The following ZC3H11A variants were observed in gnomAD, a reference collection of about 807,000 sequenced individuals.
ZC3H11A encodes the protein zinc finger CCCH domain-containing protein 11A.
A neutral mutation model predicts 90.8 loss-of-function variants in ZC3H11A; 22 were observed. That is an observed-to-expected ratio of 0.24 (90% CI 0.17 to 0.35). ZC3H11A has a LOEUF of 0.35. Ranked by LOEUF, ZC3H11A falls within the 10% of genes least tolerant of loss-of-function variation. ZC3H11A has a pLI of 1.00. For missense variants in ZC3H11A, 701 were observed against 964.9 expected (o/e 0.73, Z 3.62); for synonymous variants, 294 against 339.8 (o/e 0.87, Z 1.48).
intron 2 of ZC3H11A, among the ~76,000 whole-genome samples, chr1:203,813,404 A>C (rs1675189824): frequency 6.6e-6 from 1 of 151,996 alleles, no homozygotes; most frequent in African/African-American, 2.4e-5. Context: ...AAACCAATTT[A>C]TTGGTTTTCT....
intron 12 of ZC3H11A, among the ~76,000 whole-genome samples, chr1:203,844,538 A>T (rs1687356054): frequency 6.6e-6 from 1 of 152,158 alleles, no homozygotes; most frequent in African/African-American, 2.4e-5. Flanking sequence ...TGGCTTCTTA[A>T]CCACTTCTTT....
intron 2 of ZC3H11A, among the ~76,000 whole-genome samples, chr1:203,807,532 T>C (rs1028882598): frequency 1.3e-4 from 19 of 151,812 alleles, no homozygotes; most frequent in Admixed American, 4.6e-4. Flanking sequence ...GTTTTTTTTT[T>C]GTTGGTTTTT....
intron 10 of ZC3H11A, among the ~76,000 whole-genome samples, chr1:203,837,392 G>T (rs1189237671): frequency 2.7e-5 from 4 of 149,980 alleles, no homozygotes; most frequent in Non-Finnish European, 5.9e-5. Flanking sequence ...TTGTAGGTTT[G>T]TCAGTTAATT....
In ZC3H11A at chr1:203,829,869, C is replaced by T. The variant is rs146010254; in HGVS notation, c.592C>T (p.Arg198Trp). The T allele has an allele frequency of 3.7e-5, 60 of 1,613,898 alleles. No individual in the cohort carries two copies. The East Asian group carries it at 9.1e-4, about 25-fold the overall frequency. The change falls in exon 7 of 18, where the codon CGG (arginine) becomes TGG (tryptophan). Residue 198 changes from arginine to tryptophan, a missense_variant. Physicochemically the swap from Arg to Trp is moderately radical, Grantham distance 101 (BLOSUM62 -3). This residue lies in a region of ZC3H11A where 530 missense variants were observed against 696.2 expected (regional missense o/e 0.76). Transcript: ENST00000367210. The stretch of plus-strand genomic sequence containing the variant: ...CAATGGATTACGAGTGACTTCTGTC[C>T]GGAAACCTGCAGTCAATATAAAGCA... ...VHNGLRVTSVRKPAVNIKQGE... is the reference protein window; with the variant it reads ...VHNGLRVTSVWKPAVNIKQGE...
At chr1:203,824,920 C>CA (rs1342233845) in intron 4 of ZC3H11A, among the ~76,000 whole-genome samples, 3 of 151,258 alleles carry the variant, frequency 2.0e-5, no homozygotes, top group Admixed American at 1.3e-4. Flanking sequence ...ACTAAAAATA[C>CA]AAAAAAATTA....
intron 10 of ZC3H11A, among the ~76,000 whole-genome samples, chr1:203,835,044 T>C (rs1158944256): frequency 3.9e-5 from 6 of 152,248 alleles, no homozygotes; most frequent in Non-Finnish European, 7.3e-5. Context: ...TTTTGTGTTG[T>C]CTTTGATGCA....
At chr1:203,834,440 T>A (rs930133787) in intron 10 of ZC3H11A, among the ~76,000 whole-genome samples, 1 of 151,532 alleles carries the variant, frequency 6.6e-6, no homozygotes, top group Non-Finnish European at 1.5e-5. Flanking sequence ...CCTGGCTAAT[T>A]TTTGTATTTT....
chr1:203,825,180 T>TAA (rs957597711), intron 4 of ZC3H11A, among the ~76,000 whole-genome samples: 1 of 152,122 alleles, frequency 6.6e-6, no homozygotes, highest in Non-Finnish European at 1.5e-5. Flanking sequence ...TGAACAATAT[T>TAA]AAATGCACCC....
intron 1 of ZC3H11A, chr1:203,798,602 TGAG>T (rs1404944731): frequency 6.5e-7 from 1 of 1,536,138 alleles, no homozygotes; most frequent in Non-Finnish European, 8.7e-7. Flanking sequence ...ATTTAACAGC[TGAG>T]GACCTTAGTG....
At chr1:203,818,309 T>C (rs1274549772) in intron 3 of ZC3H11A, among the ~76,000 whole-genome samples, 5 of 152,176 alleles carry the variant, frequency 3.3e-5, no homozygotes, top group African/African-American at 1.2e-4. Context: ...GACCTAACAC[T>C]CCTACTTGTC....
chr1:203,829,999 G>T, intron 7 of ZC3H11A, 103 bp downstream of exon 7: 3 of 1,314,190 alleles, frequency 2.3e-6, no homozygotes, highest in Non-Finnish European at 3.3e-6. Flanking sequence ...CATGCTACAC[G>T]CATACTTACC....
At position 203,853,769 on chromosome 1, in the gene ZC3H11A, A is replaced by G. The variant is rs977728260; in HGVS notation, c.*1370A>G. 7 of 152,658 alleles carry G rather than the reference A, an allele frequency of 4.6e-5. No individual in the cohort carries two copies. The highest frequency in any genetic ancestry group is 1.0e-4 in the Non-Finnish European group (7 of 68,058). 9.5% of individuals were successfully genotyped at this position (152,658 alleles called of 1,614,324 possible). ...CAGGACTGCCCATTCAGTCTTGGGA[A>G]GATTGGGATGATTCTGCACAAGCAA... On this transcript the variant is annotated 3_prime_UTR_variant, in exon 18 of 18. Coordinates refer to ENST00000367210, the MANE Select transcript of ZC3H11A (RefSeq NM_001376342.1).
In ZC3H11A at chr1:203,805,799, C is replaced by T. The variant is rs1018873501; in HGVS notation, c.-146+2783C>T. On this transcript the variant is annotated intron_variant, in intron 2 of 17. Transcript: ENST00000367210. Reference sequence around the variant, plus strand: ...AACTCTGCTTCTAGGTTGTCTTCATCTAATTCTGGGCCGCCATAACTGCGA... The same window carrying T: ...AACTCTGCTTCTAGGTTGTCTTCATTTAATTCTGGGCCGCCATAACTGCGA... 3.9e-6 allele frequency: 3 copies of T among 766,290 alleles called. No individual in the cohort carries two copies. In the African/African-American group the frequency reaches 5.2e-5, roughly 13 times the overall value. 47.5% of individuals were successfully genotyped at this position (766,290 alleles called of 1,614,324 possible). A position where few individuals can be genotyped will look rare whatever the true frequency, so the allele number is the denominator to read the frequency against.
intron 1 of ZC3H11A, chr1:203,797,171 CTG>C (rs1469998963): frequency 1.2e-5 from 2 of 167,466 alleles, no homozygotes; most frequent in Non-Finnish European, 1.3e-5. Context: ...GAACATGGAT[CTG>C]GGATTTGGAA....
intron 1 of ZC3H11A, chr1:203,798,473 T>C (rs545060878): frequency 8.5e-5 from 130 of 1,536,138 alleles, no homozygotes; most frequent in Non-Finnish European, 1.1e-4. Flanking sequence ...ATCCTATCCA[T>C]TGGGCTGTTG....
At chr1:203,799,835 T>C (rs1669975408) in intron 1 of ZC3H11A, 1 of 1,508,048 alleles carries the variant, frequency 6.6e-7, no homozygotes, top group Admixed American at 2.0e-5. Context: ...CTTTGTTAGA[T>C]CCTTGCTTTA....
intron 4 of ZC3H11A, among the ~76,000 whole-genome samples, chr1:203,819,512 G>C (rs1448309145): frequency 6.9e-6 from 1 of 144,848 alleles, no homozygotes; most frequent in Non-Finnish European, 1.5e-5. Context: ...GTGAGCCACC[G>C]TGCCCAGCTG....
intron 9 of ZC3H11A, among the ~76,000 whole-genome samples, chr1:203,832,307 C>T (rs574732518): frequency 7.9e-5 from 12 of 151,722 alleles, no homozygotes; most frequent in Admixed American, 2.0e-4. Flanking sequence ...GTGATCCGCC[C>T]GCCTTGGCCT....
At chr1:203,823,388 C>A (rs1483518977) in intron 4 of ZC3H11A, among the ~76,000 whole-genome samples, 1 of 152,174 alleles carries the variant, frequency 6.6e-6, no homozygotes, top group African/African-American at 2.4e-5. Flanking sequence ...CCAGGGAAAT[C>A]CATTAGAGAC....
Sources: allele counts gnomAD v4.1 joint callset (sites outside exome capture counted in the v4.1 genomes callset), GRCh38; gene constraint gnomAD v4.1.1; regional missense constraint gnomAD v4.1.1; transcripts MANE v1.5; gene names NCBI Gene and HGNC (gene_info 2026-07-23, HGNC 2026-07-21).